The following HERC4 variants were observed in gnomAD, a reference collection of about 807,000 sequenced individuals.
HERC4 encodes HECT and RLD domain containing E3 ubiquitin protein ligase 4.
HERC4 carries 28 observed loss-of-function variants against 124.3 expected under a neutral mutation model. The ratio of observed to expected loss-of-function variants is 0.23; its 90% CI spans 0.17 to 0.31. The LOEUF (loss-of-function observed/expected upper bound fraction) is 0.31. HERC4 is among the 10% of genes least tolerant of loss of function. The pLI is 1.00. For synonymous variants in HERC4, 407 were observed against 421.5 expected (o/e 0.97, Z 0.42); for missense variants, 713 against 1,229.3 (o/e 0.58, Z 6.28).
At chr10:68,059,903 T>A (rs1210136644) in intron 3 of HERC4, among the ~76,000 whole-genome samples, 1 of 77,086 alleles carries the variant, frequency 1.3e-5, no homozygotes, top group African/African-American at 8.1e-5. Context: ...TATTATATAT[T>A]ATATAATATT....
intron 23 of HERC4, among the ~76,000 whole-genome samples, chr10:67,932,304 T>C (rs1052362749): frequency 2.0e-5 from 3 of 152,160 alleles, no homozygotes; most frequent in Non-Finnish European, 4.4e-5. Flanking sequence ...CAGGCTGCTG[T>C]TGAACTCCTG....
At chr10:68,050,192 C>A (rs1398151634) in intron 3 of HERC4, among the ~76,000 whole-genome samples, 3 of 151,974 alleles carry the variant, frequency 2.0e-5, no homozygotes, top group African/African-American at 7.2e-5. Flanking sequence ...GACCCTTTCT[C>A]AAAAACAAAA....
At chr10:68,025,737 C>G in intron 7 of HERC4, 61 bp from the exon 8 acceptor site, 1 of 1,511,314 alleles carries the variant, frequency 6.6e-7, no homozygotes, top group Non-Finnish European at 8.9e-7. Flanking sequence ...AACTGATCTC[C>G]AGAAAAATAA....
At chr10:68,070,726 G>C (rs1323407730) in intron 3 of HERC4, 2 of 151,996 alleles carry the variant, frequency 1.3e-5, no homozygotes, top group African/African-American at 4.8e-5. Flanking sequence ...TCTTCCCTCT[G>C]AAACCTAGGT....
At chr10:68,061,281 T>G (rs1667536060) in intron 3 of HERC4, among the ~76,000 whole-genome samples, 1 of 151,788 alleles carries the variant, frequency 6.6e-6, no homozygotes, top group Non-Finnish European at 1.5e-5. Context: ...TAAGAATAGG[T>G]TTGACACTTT....
intron 15 of HERC4, among the ~76,000 whole-genome samples, chr10:67,974,117 CACATACACACAG>C (rs1166884052): frequency 2.0e-4 from 18 of 90,950 alleles, no homozygotes; most frequent in East Asian, 1.5e-3. Context: ...CACACACACA[CACATACACACAG>C]GGTCAGGAAA....
At chr10:68,031,895 G>A (rs117189362) in intron 7 of HERC4, among the ~76,000 whole-genome samples, 14,218 of 151,918 alleles carry the variant, frequency 0.094, 891 homozygotes, top group South Asian at 0.18. Flanking sequence ...CTGGGGATAG[G>A]TGCCTGCCGC....
At chr10:67,967,972 T>C (rs759164786) in intron 15 of HERC4, among the ~76,000 whole-genome samples, 7 of 151,930 alleles carry the variant, frequency 4.6e-5, no homozygotes, top group East Asian at 1.9e-4. Context: ...GTACTAAATA[T>C]GGCAGAATAC....
At chr10:68,057,688 T>C (rs945870233) in intron 3 of HERC4, among the ~76,000 whole-genome samples, 31 of 151,254 alleles carry the variant, frequency 2.0e-4, no homozygotes, top group African/African-American at 7.0e-4. Flanking sequence ...AAAATATCAG[T>C]AAACAAACTA....
At chr10:67,955,214 T>G in intron 17 of HERC4, 84 bp from the exon 18 acceptor site, 5 of 1,145,626 alleles carry the variant, frequency 4.4e-6, no homozygotes, top group Non-Finnish European at 5.0e-6. Flanking sequence ...TACCTATTAG[T>G]TACAGGTATT....
intron 22 of HERC4, among the ~76,000 whole-genome samples, chr10:67,935,168 C>T (rs868219037): frequency 1.7e-4 from 25 of 145,708 alleles, no homozygotes; most frequent in Non-Finnish European, 2.5e-4. Context: ...TTTTTTGAGA[C>T]GGAGTCTCGC....
rs950628530 is a variant in HERC4, at chr10:68,063,550, T to C, written c.226+9333A>G. Among the ~76,000 whole-genome samples, 4 of 152,316 alleles carry C rather than the reference T, an allele frequency of 2.6e-5. No homozygotes were observed. In the South Asian group the frequency reaches 8.3e-4, roughly 32 times the overall value. ...AACTTTCATTTACAAATATCTTATG[T>C]GTATAAACTTCATAAAATGAGACAC... On this transcript the variant is annotated intron_variant, in intron 3 of 24. Transcript: ENST00000373700.
At chr10:67,975,417 A>G (rs2035526531) in intron 15 of HERC4, among the ~76,000 whole-genome samples, 1 of 151,972 alleles carries the variant, frequency 6.6e-6, no homozygotes, top group African/African-American at 2.4e-5. Context: ...TTTTTTGGAC[A>G]GAGTCTTGCT....
At chr10:68,028,796 T>C (rs1589367390) in intron 7 of HERC4, among the ~76,000 whole-genome samples, 1 of 152,360 alleles carries the variant, frequency 6.6e-6, no homozygotes, top group East Asian at 1.9e-4. Context: ...AAAATCATAG[T>C]TTATAATACA....
intron 3 of HERC4, among the ~76,000 whole-genome samples, chr10:68,052,210 T>C (rs190583800): frequency 1.3e-5 from 2 of 152,318 alleles, no homozygotes; most frequent in African/African-American, 4.8e-5. Context: ...ATATCCACTT[T>C]GTAGATAACG....
intron 2 of HERC4, among the ~76,000 whole-genome samples, 173 bp downstream of exon 2, chr10:68,073,483 CT>C (rs1231722324): frequency 1.3e-5 from 2 of 152,042 alleles, no homozygotes; most frequent in African/African-American, 4.8e-5. Context: ...GAATAAGTAC[CT>C]TGATGAAATT....
chr10:68,039,332 A>AAAT, intron 4 of HERC4: 2 of 1,463,300 alleles, frequency 1.4e-6, no homozygotes, highest in East Asian at 5.0e-5. Context: ...AAAAAAAAAA[A>AAAT]AAGAAAGAAA....
intron 24 of HERC4, among the ~76,000 whole-genome samples, chr10:67,923,500 A>AT (rs1177238659): frequency 6.6e-6 from 1 of 151,934 alleles, no homozygotes; most frequent in Non-Finnish European, 1.5e-5. Context: ...TTCTTTTTCT[A>AT]TTTGCTTCGT....
chr10:68,045,879 A>T (rs1247861521), intron 3 of HERC4, among the ~76,000 whole-genome samples: 1 of 152,178 alleles, frequency 6.6e-6, no homozygotes, highest in Non-Finnish European at 1.5e-5. Context: ...AAGAGGCTGA[A>T]ATTCCTATCT....
Sources: gnomAD v4.1 joint callset for allele counts (sites outside exome capture counted in the v4.1 genomes callset) on GRCh38, gnomAD v4.1.1 for gene constraint, MANE v1.5 for transcripts, NCBI Gene and HGNC (gene_info 2026-07-23, HGNC 2026-07-21) for gene names.